GNAS: variants seen among roughly 807,000 people sequenced by gnomAD.
GNAS encodes protein ALEX.
In GNAS, 8 loss-of-function variants were observed where a neutral mutation model predicts 54.5. The observed-to-expected ratio is 0.15, with a 90% CI of 0.09 to 0.26. GNAS has a LOEUF of 0.26. GNAS is among the 10% of genes least tolerant of loss of function. The probability of loss-of-function intolerance (pLI) is 1.00; values close to 1 mark genes in which losing one functional copy is unlikely to be tolerated. For missense variants in GNAS, 170 were observed against 529.8 expected (o/e 0.32, Z 6.67); for synonymous variants, 204 against 191.4 (o/e 1.07, Z -0.54).
Position 58,853,908 on chromosome 20 carries a change from G to A in GNAS, c.43+13022G>A. The A allele has an allele frequency of 6.2e-7, 1 of 1,606,930 alleles. No individual in the cohort carries two copies. Reference sequence around the variant, plus strand: ...GCCTGCAAAGGCTGGCTCCAGAGGAGGCTACAGCCCTCCCCCTGAGGAGAC... The same window carrying A: ...GCCTGCAAAGGCTGGCTCCAGAGGAAGCTACAGCCCTCCCCCTGAGGAGAC... On this transcript the variant is annotated intron_variant, in intron 1 of 12. Coordinates refer to the GNAS transcript ENST00000306090. The surrounding 1 kb of genome is among the most constrained non-coding windows in gnomAD (Gnocchi z 4.4).
chr20:58,907,037 C>T (rs898352325), intron 6 of GNAS, among the ~76,000 whole-genome samples: 4 of 152,130 alleles, frequency 2.6e-5, no homozygotes, highest in African/African-American at 9.7e-5. Context: ...ACCAAGGTGC[C>T]AGGCTGACTC....
In GNAS at chr20:58,840,978, C is replaced by T; in HGVS notation, c.43+92C>T. On this transcript the variant is annotated intron_variant, in intron 1 of 12. Coordinates refer to the GNAS transcript ENST00000306090. This position sits in a 1 kb window ranked among gnomAD's most constrained non-coding sequence, Gnocchi z 6.0. ...GTGAGAAGGAAAGGCAGGTCAGGGG[C>T]GAGTGGGAAGAGAGGAGGCTCAGCT... 1 of 1,365,102 alleles carries T rather than the reference C, an allele frequency of 7.3e-7. No homozygotes were observed. The allele number at this position is 1,365,102 out of a possible 1,614,324, so 84.6% of individuals were successfully genotyped here.
intron 2 of GNAS, chr20:58,898,572 T>C: frequency 3.2e-6 from 1 of 310,856 alleles, no homozygotes; most frequent in Non-Finnish European, 6.1e-6. Flanking sequence ...TTAGGAGCCT[T>C]ATGCGCTGCC....
intron 1 of GNAS, among the ~76,000 whole-genome samples, chr20:58,870,613 G>A (rs953341424): frequency 3.3e-5 from 5 of 152,202 alleles, no homozygotes; most frequent in African/African-American, 4.8e-5. Flanking sequence ...CTTGGGTCCC[G>A]GGGACCTTAC....
chr20:58,853,550 C>A lies in GNAS; in HGVS notation c.43+12664C>A. On this transcript the variant is annotated intron_variant, in intron 1 of 12. Transcript: ENST00000306090. This position sits in a 1 kb window ranked among gnomAD's most constrained non-coding sequence, Gnocchi z 4.4. The stretch of plus-strand genomic sequence containing the variant: ...AAGCTGGAGCCCATGGAAGCTACAG[C>A]CCACCTCCTGAGGAAGCAATGCCCT... 1 of 1,613,236 alleles carries A rather than the reference C, an allele frequency of 6.2e-7. No individual in the cohort carries two copies. Among genetic ancestry groups the A allele is most frequent in the South Asian group, 1.1e-5 (1 of 91,078 alleles).
At chr20:58,889,354 G>GT (rs1686618013), upstream of GNAS, 1 of 984,686 alleles carries the variant, frequency 1.0e-6, no homozygotes, top group Non-Finnish European at 1.2e-6. Flanking sequence ...TCACTCACAT[G>GT]TAAGTCGGGG....
chr20:58,851,136 G>T (rs773383890), intron 1 of GNAS, among the ~76,000 whole-genome samples: 2 of 152,234 alleles, frequency 1.3e-5, no homozygotes, highest in African/African-American at 4.8e-5. Flanking sequence ...ACATCTGGAA[G>T]TGTGTAGACC....
At chr20:58,889,316 C>T, upstream of GNAS, 1 of 990,018 alleles carries the variant, frequency 1.0e-6, no homozygotes, top group Non-Finnish European at 1.2e-6. Context: ...GGGCGGCCGG[C>T]AGGCGCTGCC....
chr20:58,853,943 T>C lies in GNAS; in HGVS notation c.43+13057T>C. The C allele has an allele frequency of 6.2e-7, 1 of 1,612,000 alleles. No homozygotes were observed. Among genetic ancestry groups the C allele is most frequent in the Non-Finnish European group, 8.5e-7 (1 of 1,179,568 alleles). ...CTCCCCCTGAGGAGACTATGCCATTTGAGCTTGATGGAGAAGGATTTGGGG... is the reference window on the plus strand; with the variant it reads ...CTCCCCCTGAGGAGACTATGCCATTCGAGCTTGATGGAGAAGGATTTGGGG... On this transcript the variant is annotated intron_variant, in intron 1 of 12. Transcript: ENST00000306090. The surrounding 1 kb of genome is among the most constrained non-coding windows in gnomAD (Gnocchi z 4.4).
chr20:58,899,088 T>C (rs1601068509), intron 3 of GNAS, 103 bp downstream of exon 3: 2 of 907,432 alleles, frequency 2.2e-6, no homozygotes, highest in East Asian at 4.8e-5. Flanking sequence ...ATAAAAATCA[T>C]TTAAAGGACC....
At chr20:58,891,419 G>C (rs1230851552), upstream of GNAS, 4 of 363,326 alleles carry the variant, frequency 1.1e-5, no homozygotes, top group Non-Finnish European at 1.5e-5. Flanking sequence ...GGCAGCGGCG[G>C]CAGCAGCTCC....
rs137854533 is a variant in GNAS at position 58,909,542 on chromosome 20, G to T, written c.681G>T (p.Gln227His). 2 of 1,614,200 alleles carry T rather than the reference G, an allele frequency of 1.2e-6. No individual in the cohort carries two copies. The highest frequency in any genetic ancestry group is 1.7e-6 in the Non-Finnish European group (2 of 1,180,022). ...VNFHMFDVGG[Q>H]RDERRKWIQC... ...CCAGCATGTTTGACGTGGGTGGCCA[G>T]CGCGATGAACGCCGCAAGTGGATCC... The change falls in exon 9 of 13, where the codon CAG (glutamine) becomes CAT (histidine). Residue 227 changes from glutamine (Q) to histidine (H), a missense_variant. Around this residue, in one of 3 missense-constraint regions of GNAS, gnomAD observed 78 missense variants for 251.1 expected, o/e 0.31. Coordinates refer to ENST00000371085, the MANE Select transcript of GNAS (RefSeq NM_000516.7). This position sits in a 1 kb window ranked among gnomAD's most constrained non-coding sequence, Gnocchi z 7.3.
chr20:58,898,195 G>C (rs1185692457), intron 2 of GNAS: 1 of 152,040 alleles, frequency 6.6e-6, no homozygotes, highest in East Asian at 1.9e-4. Flanking sequence ...GTAGAATGCT[G>C]CCCTTCGGCC....
At chr20:58,868,432 G>C (rs974917966) in intron 1 of GNAS, among the ~76,000 whole-genome samples, 1 of 151,850 alleles carries the variant, frequency 6.6e-6, no homozygotes, top group African/African-American at 2.4e-5. Flanking sequence ...GGGATTACAG[G>C]CGTGAACCAC....
chr20:58,903,867 A>G (rs780560948), intron 5 of GNAS, 76 bp downstream of exon 5: 755 of 1,493,114 alleles, frequency 5.1e-4, no homozygotes, highest in Non-Finnish European at 6.8e-4. Flanking sequence ...CATGAGTGAC[A>G]GCCCTGCACA....
chr20:58,871,528 C>T (rs1296086152), intron 1 of GNAS, among the ~76,000 whole-genome samples: 2 of 149,802 alleles, frequency 1.3e-5, no homozygotes, highest in Non-Finnish European at 3.0e-5. Flanking sequence ...ACAGGAGAAT[C>T]GCTTGAACCC....
At chr20:58,843,686 C>T (rs975593280) in intron 1 of GNAS, among the ~76,000 whole-genome samples, 1 of 152,222 alleles carries the variant, frequency 6.6e-6, no homozygotes, top group African/African-American at 2.4e-5. Context: ...GCTAGCTAAA[C>T]ATGATGATAT....
At chr20:58,847,812 A>G (rs552464122) in intron 1 of GNAS, among the ~76,000 whole-genome samples, 1 of 152,304 alleles carries the variant, frequency 6.6e-6, no homozygotes, top group East Asian at 1.9e-4. Context: ...AAACCCAGAA[A>G]GCTGACAGGT....
chr20:58,844,696 A>T (rs2085876144), intron 1 of GNAS, among the ~76,000 whole-genome samples: 1 of 152,084 alleles, frequency 6.6e-6, no homozygotes, highest in Non-Finnish European at 1.5e-5. Context: ...TTTAACCCTA[A>T]TGGAACTCCC....
Sources: gnomAD v4.1 joint callset for allele counts (sites outside exome capture counted in the v4.1 genomes callset) on GRCh38, gnomAD v4.1.1 for gene constraint, gnomAD v4.1.1 regional missense constraint, Gnocchi (gnomAD v3.1) non-coding constraint, MANE v1.5 for transcripts, NCBI Gene and HGNC (gene_info 2026-07-23, HGNC 2026-07-21) for gene names.